The following EP300 variants were observed in gnomAD, a reference collection of about 807,000 sequenced individuals.
EP300 encodes EP300 lysine acetyltransferase.
EP300 carries 31 observed loss-of-function variants against 264.0 expected under a neutral mutation model. The ratio of observed to expected loss-of-function variants is 0.12; its 90% confidence interval spans 0.09 to 0.16. The LOEUF (loss-of-function observed/expected upper bound fraction) is 0.16. EP300 is among the 10% of genes least tolerant of loss of function. The probability of loss-of-function intolerance (pLI) is 1.00; values close to 1 mark genes in which losing one functional copy is unlikely to be tolerated. For missense variants in EP300, 2,766 were observed against 3,052.9 expected (o/e 0.91, Z 2.21); for synonymous variants, 1,340 against 1,045.4 (o/e 1.28, Z -5.44).
At chr22:41,139,402 G>T (rs2058969657) in intron 8 of EP300, among the ~76,000 whole-genome samples, 1 of 152,218 alleles carries the variant, frequency 6.6e-6, no homozygotes, top group Non-Finnish European at 1.5e-5. Flanking sequence ...GGACAGAGAT[G>T]ATTATTTGGG....
intron 20 of EP300, 26 bp downstream of exon 20, chr22:41,160,748 G>T (rs759932291): frequency 3.1e-6 from 5 of 1,599,518 alleles, no homozygotes; most frequent in Non-Finnish European, 4.3e-6. Context: ...ATTTTGAAAA[G>T]TGCTAATTAG....
At chr22:41,097,973 C>G (rs759489475) in intron 1 of EP300, among the ~76,000 whole-genome samples, 1 of 151,566 alleles carries the variant, frequency 6.6e-6, no homozygotes, top group East Asian at 1.9e-4. Flanking sequence ...GGATTACAGG[C>G]GTGAGCCACC....
Position 41,178,467 on chromosome 22 carries a change from G to A in EP300, c.6756G>A (p.Glu2252=). The A allele has an allele frequency of 3.7e-6, 6 of 1,614,082 alleles. No homozygotes were observed. Among genetic ancestry groups the A allele is most frequent in the Non-Finnish European group, 4.2e-6 (5 of 1,180,020 alleles). The change falls in exon 31 of 31, where the codon GAG becomes GAA. Residue 2252 remains glutamate (E), a synonymous_variant. Coordinates refer to ENST00000263253, the MANE Select transcript of EP300 (RefSeq NM_001429.4). Reference sequence around the variant, plus strand: ...AGCTTCCCCAGGCCTTGGGAGCAGAGGCAGGTGCCAGTCTACAGGCCTATC... The same window carrying A: ...AGCTTCCCCAGGCCTTGGGAGCAGAAGCAGGTGCCAGTCTACAGGCCTATC... The part of the protein sequence containing the change: ...IGQLPQALGA[E]AGASLQAYQQ...
chr22:41,130,101 T>C, intron 5 of EP300, 98 bp downstream of exon 5: 1 of 852,870 alleles, frequency 1.2e-6, no homozygotes, highest in South Asian at 1.4e-5. Context: ...ACCTGTGGTG[T>C]TGTACTATGT....
intron 23 of EP300, chr22:41,168,203 A>G (rs1298186711): frequency 3.9e-6 from 2 of 513,004 alleles, no homozygotes; most frequent in Non-Finnish European, 3.5e-6. Context: ...TTTAGAAATT[A>G]TTGAGTACTG....
intron 1 of EP300, among the ~76,000 whole-genome samples, chr22:41,115,303 G>A (rs1477626077): frequency 6.6e-6 from 1 of 152,168 alleles, no homozygotes; most frequent in Non-Finnish European, 1.5e-5. Flanking sequence ...GAAAGACCAG[G>A]AGTCTCCTAA....
chr22:41,137,481 A>G (rs768979397), intron 7 of EP300, among the ~76,000 whole-genome samples, 172 bp from the exon 8 acceptor site: 5 of 152,192 alleles, frequency 3.3e-5, no homozygotes, highest in Non-Finnish European at 7.3e-5. Context: ...AGGTATGAAC[A>G]TGCACAGTTT....
chr22:41,177,591 T>G lies in EP300; in HGVS notation c.5880T>G (p.Thr1960=). 1.2e-6 allele frequency: 2 copies of G among 1,614,028 alleles called. No homozygotes were observed. Among genetic ancestry groups the G allele is most frequent in the Non-Finnish European group, 1.7e-6 (2 of 1,180,000 alleles). The change falls in exon 31 of 31, where the codon ACT becomes ACG. Residue 1960 remains threonine (T), a synonymous_variant. Coordinates refer to ENST00000263253, the MANE Select transcript of EP300 (RefSeq NM_001429.4). ...TCCAACACCAGATGCCCCCGATGACTCCCATGGCCCCCATGGGTATGAACC... is the reference window on the plus strand; with the variant it reads ...TCCAACACCAGATGCCCCCGATGACGCCCATGGCCCCCATGGGTATGAACC... ...RPIQHQMPPM[T]PMAPMGMNPP... is the part of the protein sequence containing the mutation.
At chr22:41,154,589 G>A (rs947365850) in intron 16 of EP300, among the ~76,000 whole-genome samples, 3 of 151,828 alleles carry the variant, frequency 2.0e-5, no homozygotes, top group African/African-American at 7.3e-5. Flanking sequence ...ATGTTGGCCA[G>A]GCTGAAACTT....
Position 41,178,968 on chromosome 22 carries a change from AGT to A in EP300, c.*13_*14del. 1 of 851,142 alleles carries A rather than the reference AGT, an allele frequency of 1.2e-6. No individual in the cohort carries two copies. The highest frequency in any genetic ancestry group is 1.6e-6 in the Non-Finnish European group (1 of 622,040). 52.7% of individuals were successfully genotyped at this position (851,142 alleles called of 1,614,324 possible). On this transcript the variant is annotated 3_prime_UTR_variant, in exon 31 of 31. Coordinates refer to ENST00000263253, the MANE Select transcript of EP300 (RefSeq NM_001429.4). ...TAGACATACACTAGAGACACCTTGTAGTATTTTGGGAGCAAAAAAATTATTTT... is the reference window on the plus strand; with the variant it reads ...TAGACATACACTAGAGACACCTTGTAATTTTGGGAGCAAAAAAATTATTTT...
rs2059232647 is a variant in EP300, at chr22:41,179,880, T to TCACTCA, written c.*927_*928insTCACAC. 1 of 158,394 alleles carries TCACTCA rather than the reference T, an allele frequency of 6.3e-6. No individual in the cohort carries two copies. The highest frequency in any genetic ancestry group is 2.5e-5 in the African/African-American group (1 of 39,362). The allele number at this position is 158,394 out of a possible 1,614,324, so 9.8% of individuals were successfully genotyped here. A position where few individuals can be genotyped will look rare whatever the true frequency, so the allele number is the denominator to read the frequency against. ...TCTTCCTCCTTACCCTACCCCCCAC[T>TCACTCA]CACACACACACACACACACACACAC... On this transcript the variant is annotated 3_prime_UTR_variant, in exon 31 of 31. Coordinates refer to ENST00000263253, the MANE Select transcript of EP300 (RefSeq NM_001429.4).
At position 41,093,079 on chromosome 22, in the gene EP300, G is replaced by A. The variant is rs2058682567; in HGVS notation, c.75G>A (p.Ala25=). 6.2e-7 allele frequency: 1 copy of A among 1,614,104 alleles called. No homozygotes were observed. The highest frequency in any genetic ancestry group is 8.5e-7 in the Non-Finnish European group (1 of 1,180,016). ...AACTCTCATCTCCGGCCCTCTCGGC[G>A]TCCGCCAGCGATGGCACAGGTTAGT... ...RPKLSSPALS[A]SASDGTDFGS... The change falls in exon 1 of 31, where the codon GCG becomes GCA. Residue 25 remains alanine, a synonymous_variant. Coordinates refer to ENST00000263253, the MANE Select transcript of EP300 (RefSeq NM_001429.4).
intron 1 of EP300, among the ~76,000 whole-genome samples, chr22:41,105,912 A>T (rs1281303985): frequency 2.0e-5 from 3 of 152,202 alleles, no homozygotes; most frequent in Non-Finnish European, 4.4e-5. Context: ...CCAAATTTGT[A>T]TAAAACTTAC....
intron 2 of EP300, among the ~76,000 whole-genome samples, chr22:41,123,546 G>A (rs2058863933): frequency 1.3e-5 from 2 of 152,172 alleles, no homozygotes; most frequent in Admixed American, 1.3e-4. Flanking sequence ...CATGGGAAGG[G>A]TTTTAGTGTC....
intron 6 of EP300, among the ~76,000 whole-genome samples, chr22:41,134,138 C>T (rs1210468849): frequency 1.5e-5 from 2 of 129,756 alleles, no homozygotes; most frequent in Non-Finnish European, 3.3e-5. Context: ...TTGTTTATTA[C>T]TTGGTCTGTT....
At chr22:41,113,979 C>G (rs181721365) in intron 1 of EP300, among the ~76,000 whole-genome samples, 66 of 151,928 alleles carry the variant, frequency 4.3e-4, no homozygotes, top group African/African-American at 1.6e-3. Context: ...TTTTTTTGCC[C>G]TCTATGTTCA....
intron 22 of EP300, among the ~76,000 whole-genome samples, chr22:41,164,485 G>A (rs1242643888): frequency 6.6e-6 from 1 of 152,202 alleles, no homozygotes; most frequent in Non-Finnish European, 1.5e-5. Context: ...GCCGAGGCGG[G>A]CGGATCACCT....
rs2059215166 is a variant in EP300, at chr22:41,178,272, A to G, written c.6561A>G (p.Gln2187=). The change falls in exon 31 of 31, where the codon CAA becomes CAG. Residue 2187 remains glutamine (Q), a synonymous_variant. Transcript: ENST00000263253. ...SQFRDILRRQ[Q]MMQQQQQQGA... ...TCCGAGACATCTTGAGACGACAGCA[A>G]ATGATGCAACAGCAGCAGCAACAGG... The G allele has an allele frequency of 1.9e-6, 3 of 1,614,018 alleles. No homozygotes were observed. Among genetic ancestry groups the G allele is most frequent in the East Asian group, 2.2e-5 (1 of 44,854 alleles).
intron 1 of EP300, among the ~76,000 whole-genome samples, chr22:41,098,144 C>T (rs939267477): frequency 2.0e-5 from 3 of 152,074 alleles, no homozygotes; most frequent in Non-Finnish European, 4.4e-5. Flanking sequence ...TGCTATCCCT[C>T]TCCCCTCCCT....
Sources: allele counts gnomAD v4.1 joint callset (sites outside exome capture counted in the v4.1 genomes callset), GRCh38; gene constraint gnomAD v4.1.1; transcripts MANE v1.5; gene names NCBI Gene and HGNC (gene_info 2026-07-23, HGNC 2026-07-21).